The following CDH13 variants were observed in gnomAD, a reference collection of about 807,000 sequenced individuals.
CDH13 encodes the protein cadherin-13.
CDH13 carries 24 observed loss-of-function variants against 63.8 expected under a neutral mutation model. The observed-to-expected ratio is 0.38, with a 90% CI of 0.27 to 0.53. The LOEUF (loss-of-function observed/expected upper bound fraction) is 0.53. Among genes scored for constraint, CDH13 ranks in the 20% least tolerant of loss-of-function variants. CDH13 has a pLI of 0.85. For missense variants in CDH13, 1,049 were observed against 903.1 expected, an observed-to-expected ratio of 1.16 and a Z score of -2.07; for synonymous variants, 503 against 355.3, an observed-to-expected ratio of 1.42 and a Z score of -4.67.
intron 11 of CDH13, among the ~76,000 whole-genome samples, chr16:83,767,960 A>G (rs1914511427): frequency 1.3e-5 from 2 of 152,206 alleles, no homozygotes; most frequent in Non-Finnish European, 2.9e-5. Flanking sequence ...CTAAAAATTA[A>G]TAGTCGCAAA....
At chr16:83,002,246 CAT>C (rs1567733584) in intron 2 of CDH13, among the ~76,000 whole-genome samples, 2 of 152,178 alleles carry the variant, frequency 1.3e-5, no homozygotes, top group African/African-American at 4.8e-5. Context: ...AATCCATTGA[CAT>C]GTGTGCTTTT....
intron 1 of CDH13, among the ~76,000 whole-genome samples, chr16:82,827,921 G>C (rs149866510): frequency 4.6e-5 from 7 of 152,116 alleles, no homozygotes; most frequent in Non-Finnish European, 8.8e-5. Flanking sequence ...ACTCTACCTT[G>C]CAAGGCAGAG....
chr16:82,754,756 T>G (rs942814482), intron 1 of CDH13, among the ~76,000 whole-genome samples: 2 of 152,232 alleles, frequency 1.3e-5, no homozygotes, highest in Non-Finnish European at 1.5e-5. Context: ...TATCTAGACT[T>G]TTGATAATGA....
intron 1 of CDH13, among the ~76,000 whole-genome samples, chr16:82,680,739 C>T (rs529110856): frequency 1.5e-4 from 23 of 152,196 alleles, no homozygotes; most frequent in African/African-American, 2.4e-4. Flanking sequence ...AGGAACTTTC[C>T]GTACTTGAGG....
chr16:82,999,350 A>G (rs906896278), intron 2 of CDH13, among the ~76,000 whole-genome samples: 2 of 152,196 alleles, frequency 1.3e-5, no homozygotes, highest in African/African-American at 2.4e-5. Flanking sequence ...GAAATGTTGT[A>G]TGACAAACTC....
At chr16:83,069,395 A>G (rs1247138409) in intron 3 of CDH13, among the ~76,000 whole-genome samples, 1 of 152,178 alleles carries the variant, frequency 6.6e-6, no homozygotes, top group Non-Finnish European at 1.5e-5. Flanking sequence ...TTTCTTTTCT[A>G]AGAATCACCT....
intron 5 of CDH13, among the ~76,000 whole-genome samples, chr16:83,266,481 T>C (rs1189484981): frequency 6.6e-6 from 1 of 152,232 alleles, no homozygotes; most frequent in African/African-American, 2.4e-5. Flanking sequence ...ATAACATCTG[T>C]GTCCAAGTCA....
chr16:82,886,434 A>G (rs111323404), intron 2 of CDH13, among the ~76,000 whole-genome samples: 2 of 152,348 alleles, frequency 1.3e-5, no homozygotes, highest in African/African-American at 4.8e-5. Flanking sequence ...GTAGACAAAC[A>G]TGGGATGTTA....
chr16:83,255,229 G>T (rs959940884), intron 5 of CDH13, among the ~76,000 whole-genome samples: 1 of 152,284 alleles, frequency 6.6e-6, no homozygotes, highest in South Asian at 2.1e-4. Flanking sequence ...AACTTCTCCA[G>T]CATGGACTAT....
chr16:82,755,043 T>A (rs908770484), intron 1 of CDH13, among the ~76,000 whole-genome samples: 22 of 152,256 alleles, frequency 1.4e-4, no homozygotes, highest in African/African-American at 5.1e-4. Context: ...AGATGTGTTT[T>A]ATGTGTGCGT....
intron 3 of CDH13, among the ~76,000 whole-genome samples, chr16:83,060,783 G>T (rs1030192715): frequency 6.6e-6 from 1 of 152,146 alleles, no homozygotes; most frequent in Non-Finnish European, 1.5e-5. Flanking sequence ...TGTACCTATT[G>T]TCTGTTTTCA....
chr16:83,537,094 A>G (rs1381069330), intron 7 of CDH13, among the ~76,000 whole-genome samples: 1 of 152,264 alleles, frequency 6.6e-6, no homozygotes, highest in African/African-American at 2.4e-5. Context: ...AATGACTTGC[A>G]GAAGTGATGA....
At chr16:82,864,602 T>C (rs571674345) in intron 2 of CDH13, among the ~76,000 whole-genome samples, 3 of 152,158 alleles carry the variant, frequency 2.0e-5, no homozygotes, top group Non-Finnish European at 4.4e-5. Flanking sequence ...ACTGCCCCCG[T>C]AATTCAGTTA....
intron 2 of CDH13, among the ~76,000 whole-genome samples, chr16:82,894,312 C>G (rs373872046): frequency 3.3e-5 from 5 of 152,140 alleles, no homozygotes; most frequent in Non-Finnish European, 5.9e-5. Context: ...GTTCAGGCCC[C>G]AAGGCAACTG....
chr16:83,146,100 A>G (rs1442950642), intron 4 of CDH13, among the ~76,000 whole-genome samples: 1 of 151,316 alleles, frequency 6.6e-6, no homozygotes, highest in Non-Finnish European at 1.5e-5. Flanking sequence ...AGGCTGGGGC[A>G]GGAGAATCGC....
intron 3 of CDH13, among the ~76,000 whole-genome samples, chr16:83,046,870 T>C (rs1917835756): frequency 6.6e-6 from 1 of 152,168 alleles, no homozygotes; most frequent in African/African-American, 2.4e-5. Context: ...CCTGCTGCTC[T>C]TTCTGTCTTC....
chr16:83,392,163 C>T (rs1026285424), intron 6 of CDH13, among the ~76,000 whole-genome samples: 6 of 152,146 alleles, frequency 3.9e-5, no homozygotes, highest in African/African-American at 1.4e-4. Flanking sequence ...ACTTCGGTAG[C>T]CTGAATTCCC....
intron 1 of CDH13, among the ~76,000 whole-genome samples, chr16:82,674,696 A>C (rs1343671167): frequency 1.3e-5 from 2 of 152,220 alleles, no homozygotes; most frequent in Non-Finnish European, 2.9e-5. Context: ...CTCCTGTGCT[A>C]ACATTTTTTC....
intron 2 of CDH13, among the ~76,000 whole-genome samples, chr16:82,887,078 T>C (rs1168568002): frequency 6.6e-6 from 1 of 152,190 alleles, no homozygotes; most frequent in Non-Finnish European, 1.5e-5. Flanking sequence ...TCCTTTTAAA[T>C]AGGGCAAAGA....
Sources: allele counts gnomAD v4.1 joint callset (sites outside exome capture counted in the v4.1 genomes callset), GRCh38; gene constraint gnomAD v4.1.1; transcripts MANE v1.5; gene names NCBI Gene and HGNC (gene_info 2026-07-23, HGNC 2026-07-21).